Variants in MINDY4 observed in about 807,000 individuals in gnomAD.
MINDY4 encodes the protein MINDY lysine 48 deubiquitinase 4.
In MINDY4, 68 loss-of-function variants were observed where a neutral mutation model predicts 87.0. The observed-to-expected ratio is 0.78, with a 90% CI of 0.64 to 0.96. The LOEUF (loss-of-function observed/expected upper bound fraction) is 0.96, where lower values mean the gene tolerates loss of function less well. Ranked by LOEUF, MINDY4 falls within the 40% of genes least tolerant of loss-of-function variation. The pLI, the probability that MINDY4 is intolerant of heterozygous loss-of-function variation, is 0.00. For missense variants in MINDY4, 919 were observed against 928.2 expected, an observed-to-expected ratio of 0.99 and a Z score of 0.13; for synonymous variants, 379 against 363.2, an observed-to-expected ratio of 1.04 and a Z score of -0.50.
chr7:30,814,271 T>C (rs1252799387), intron 5 of MINDY4, among the ~76,000 whole-genome samples: 1 of 152,200 alleles, frequency 6.6e-6, no homozygotes, highest in East Asian at 1.9e-4. Flanking sequence ...AGCTTCATGG[T>C]AAATCAAATG....
At chr7:30,804,866 G>T (rs1412578308) in intron 5 of MINDY4, among the ~76,000 whole-genome samples, 1 of 152,150 alleles carries the variant, frequency 6.6e-6, no homozygotes, top group African/African-American at 2.4e-5. Flanking sequence ...GACATAGAGG[G>T]CAGGTCTGGC....
chr7:30,851,531 G>A (rs1200074884), intron 10 of MINDY4, among the ~76,000 whole-genome samples: 1 of 152,150 alleles, frequency 6.6e-6, no homozygotes, highest in Non-Finnish European at 1.5e-5. Context: ...TAAGCACCAC[G>A]TTTTAGATAT....
At chr7:30,852,125 C>G (rs780297619) in intron 10 of MINDY4, 91 bp from the exon 11 acceptor site, 16 of 1,442,976 alleles carry the variant, frequency 1.1e-5, no homozygotes, top group Non-Finnish European at 1.5e-5. Flanking sequence ...TCTTATTTGT[C>G]CTTATTTAAT....
chr7:30,787,361 G>A (rs1335751965), intron 4 of MINDY4, among the ~76,000 whole-genome samples: 3 of 152,232 alleles, frequency 2.0e-5, no homozygotes, highest in Non-Finnish European at 4.4e-5. Context: ...GGCTAGAATG[G>A]TGAACAGTTT....
chr7:30,872,704 A>G (rs1790142942), intron 14 of MINDY4, among the ~76,000 whole-genome samples: 1 of 152,202 alleles, frequency 6.6e-6, no homozygotes, highest in Admixed American at 6.5e-5. Context: ...ATGTTTGCAC[A>G]AGGTATTGTC....
chr7:30,878,671 C>G (rs1003007785), intron 15 of MINDY4, among the ~76,000 whole-genome samples: 1 of 152,214 alleles, frequency 6.6e-6, no homozygotes, highest in East Asian at 1.9e-4. Flanking sequence ...AGTTTAGCCT[C>G]AGCACTTCTT....
At chr7:30,802,070 T>A (rs1787668374) in intron 5 of MINDY4, among the ~76,000 whole-genome samples, 1 of 152,164 alleles carries the variant, frequency 6.6e-6, no homozygotes, top group East Asian at 1.9e-4. Flanking sequence ...ATTTGGGAGA[T>A]GAGTGTGAGA....
chr7:30,785,460 G>A (rs1453418365), intron 3 of MINDY4, among the ~76,000 whole-genome samples: 1 of 152,172 alleles, frequency 6.6e-6, no homozygotes, highest in African/African-American at 2.4e-5. Context: ...ATTCAGGTCT[G>A]GAAGACTAAG....
intron 6 of MINDY4, 111 bp downstream of exon 6, chr7:30,828,848 G>A: frequency 2.1e-6 from 2 of 934,134 alleles, no homozygotes; most frequent in South Asian, 2.7e-5. Context: ...CCTGACCTCA[G>A]CGAGTGGGGC....
At chr7:30,823,829 TA>T (rs1788415766) in intron 5 of MINDY4, among the ~76,000 whole-genome samples, 1 of 152,030 alleles carries the variant, frequency 6.6e-6, no homozygotes, top group African/African-American at 2.4e-5. Flanking sequence ...AAAAAACAAA[TA>T]AAAAAACAAA....
chr7:30,859,306 T>TG lies in MINDY4; in HGVS notation c.1728dup (p.Ser577ValfsTer12). On this transcript the variant is annotated frameshift_variant, in exon 13 of 18. Coordinates refer to ENST00000265299, the MANE Select transcript of MINDY4 (RefSeq NM_032222.3). LOFTEE classifies it high-confidence loss of function. Reference sequence around the variant, plus strand: ...ATCCTGCTCACCCTTTCTGCCATCCTGTCCAGGTCTACAGAGCTGTGAGTA... The same window carrying TG: ...ATCCTGCTCACCCTTTCTGCCATCCTGGTCCAGGTCTACAGAGCTGTGAGTA... 1 of 1,614,202 alleles carries TG rather than the reference T, an allele frequency of 6.2e-7. No homozygotes were observed. Among genetic ancestry groups the TG allele is most frequent in the African/African-American group, 1.3e-5 (1 of 75,056 alleles).
chr7:30,878,683 C>G (rs1790364709), intron 15 of MINDY4, among the ~76,000 whole-genome samples: 1 of 152,218 alleles, frequency 6.6e-6, no homozygotes, highest in Non-Finnish European at 1.5e-5. Context: ...GCACTTCTTT[C>G]ATGACCTGCG....
intron 6 of MINDY4, 74 bp from the exon 7 acceptor site, chr7:30,836,584 G>A: frequency 3.5e-6 from 4 of 1,158,996 alleles, no homozygotes; most frequent in Non-Finnish European, 3.9e-6. Context: ...CAATGTCTGT[G>A]GTGTTCAGTG....
intron 17 of MINDY4, among the ~76,000 whole-genome samples, chr7:30,887,338 G>A (rs1268024515): frequency 6.6e-6 from 1 of 152,228 alleles, no homozygotes; most frequent in East Asian, 1.9e-4. Context: ...AGCTGTGTGA[G>A]CTCCAGAAGG....
chr7:30,863,842 C>T (rs915206780), intron 13 of MINDY4, among the ~76,000 whole-genome samples: 1 of 152,246 alleles, frequency 6.6e-6, no homozygotes, highest in Non-Finnish European at 1.5e-5. Flanking sequence ...CGAATTGCTT[C>T]CGGTAAATCT....
chr7:30,829,328 T>A (rs544002673), intron 6 of MINDY4, among the ~76,000 whole-genome samples: 126 of 152,352 alleles, frequency 8.3e-4, no homozygotes, highest in African/African-American at 3.0e-3. Flanking sequence ...TCCAAAGACA[T>A]GCATTTGCAG....
chr7:30,881,565 T>A, intron 15 of MINDY4, among the ~76,000 whole-genome samples: 1 of 152,174 alleles, frequency 6.6e-6, no homozygotes, highest in Admixed American at 6.5e-5. Flanking sequence ...GGAATTTCAT[T>A]CACCCGACAT....
At chr7:30,876,125 T>G (rs886073747) in intron 15 of MINDY4, among the ~76,000 whole-genome samples, 2 of 152,020 alleles carry the variant, frequency 1.3e-5, no homozygotes, top group Non-Finnish European at 2.9e-5. Flanking sequence ...CCATGCTCCC[T>G]CTGAAACCCA....
chr7:30,828,808 G>C, intron 6 of MINDY4, 71 bp downstream of exon 6: 5 of 1,538,202 alleles, frequency 3.3e-6, no homozygotes, highest in Non-Finnish European at 4.5e-6. Context: ...CTGTCTGGGA[G>C]ATGGGTGGTC....
Sources: gnomAD v4.1 joint callset for allele counts (sites outside exome capture counted in the v4.1 genomes callset) on GRCh38, gnomAD v4.1.1 for gene constraint, MANE v1.5 for transcripts, NCBI Gene and HGNC (gene_info 2026-07-23, HGNC 2026-07-21) for gene names.